The following RBM5 variants were observed in gnomAD, a reference collection of about 807,000 sequenced individuals.
The protein encoded by RBM5 is RNA binding motif protein 5.
RBM5 carries 15 observed loss-of-function variants against 124.6 expected under a neutral mutation model. The observed-to-expected ratio is 0.12, with a 90% CI of 0.08 to 0.19. RBM5 has a LOEUF of 0.19. Ranked by LOEUF, RBM5 falls within the 10% of genes least tolerant of loss-of-function variation. The pLI is 1.00. For synonymous variants in RBM5, 337 were observed against 361.2 expected, an observed-to-expected ratio of 0.93 and a Z score of 0.76; for missense variants, 580 against 1,026.5, an observed-to-expected ratio of 0.57 and a Z score of 5.94.
At position 50,118,740 on chromosome 3, in the gene RBM5, G is replaced by C. The variant is rs1331214271; in HGVS notation, c.*284G>C. 1 of 404,500 alleles carries C rather than the reference G, an allele frequency of 2.5e-6. No homozygotes were observed. Among genetic ancestry groups the C allele is most frequent in the Non-Finnish European group, 4.5e-6 (1 of 222,484 alleles). 25.1% of individuals were successfully genotyped at this position (404,500 alleles called of 1,614,324 possible). On this transcript the variant is annotated 3_prime_UTR_variant, in exon 25 of 25. Transcript: ENST00000347869. Reference sequence around the variant, plus strand: ...ATAGTGTAATGTAGCGTGTTTACATGTGTAGCCTATGTTGTGGTCCATCAG... The same window carrying C: ...ATAGTGTAATGTAGCGTGTTTACATCTGTAGCCTATGTTGTGGTCCATCAG...
Position 50,118,378 on chromosome 3 carries a change from A to C in RBM5, c.2370A>C (p.Ala790=). The part of the protein sequence containing the change: ...KGAGLGAKGS[A]YGLSGADSYK... ...CTGGCCTAGGAGCCAAAGGCAGCGC[A>C]TATGGTTTGTCGGGCGCCGATTCCT... The change falls in exon 25 of 25, where the codon GCA becomes GCC. Residue 790 remains alanine, a synonymous_variant. Transcript: ENST00000347869. The C allele has an allele frequency of 6.2e-7, 1 of 1,614,134 alleles. No individual in the cohort carries two copies. Among genetic ancestry groups the C allele is most frequent in the East Asian group, 2.2e-5 (1 of 44,872 alleles).
chr3:50,103,059 A>G (rs1200918296), intron 6 of RBM5, 24 bp from the exon 7 acceptor site: 1 of 1,536,364 alleles, frequency 6.5e-7, no homozygotes, highest in Non-Finnish European at 9.0e-7. Flanking sequence ...CAATGGGAAT[A>G]ACTAATTACT....
intron 6 of RBM5, chr3:50,101,604 C>T (rs183517884): frequency 2.0e-5 from 3 of 152,306 alleles, no homozygotes; most frequent in African/African-American, 7.2e-5. Context: ...TAGATACCAT[C>T]CTAGTAAATC....
At position 50,110,736 on chromosome 3, in the gene RBM5, C is replaced by G; in HGVS notation, c.1421C>G (p.Pro474Arg). The G allele has an allele frequency of 1.9e-6, 3 of 1,613,398 alleles. No individual in the cohort carries two copies. Among genetic ancestry groups the G allele is most frequent in the Non-Finnish European group, 2.5e-6 (3 of 1,179,538 alleles). The change falls in exon 17 of 25, where the codon CCG becomes CGG. Residue 474 changes from proline to arginine, a missense_variant. Physicochemically the swap from Pro to Arg is moderately radical, Grantham distance 103. Coordinates refer to ENST00000347869, the MANE Select transcript of RBM5 (RefSeq NM_005778.4). ...GAATCTTCAGGATATTACTATGATCCGACAACAGGGCTCTATTATGACCCC... is the reference window on the plus strand; with the variant it reads ...GAATCTTCAGGATATTACTATGATCGGACAACAGGGCTCTATTATGACCCC... ...YDESSGYYYD[P>R]TTGLYYDPNS...
chr3:50,105,536 C>T lies in RBM5; in HGVS notation c.695-13C>T, dbSNP rs1575320945. 2.5e-6 allele frequency: 4 copies of T among 1,611,628 alleles called. No homozygotes were observed. The highest frequency in any genetic ancestry group is 1.7e-4 in the Middle Eastern group (1 of 5,992). On this transcript the variant is annotated splice_polypyrimidine_tract_variant and intron_variant, in intron 9 of 24. Coordinates refer to ENST00000347869, the MANE Select transcript of RBM5 (RefSeq NM_005778.4). The stretch of plus-strand genomic sequence containing the variant: ...GAATGCATGTGTATGTCATTTGTCT[C>T]ATTTACCCCTAGCGATCATTCTTCG...
At chr3:50,091,881 A>T (rs1336615314) in intron 2 of RBM5, 162 bp from the exon 3 acceptor site, 1 of 734,142 alleles carries the variant, frequency 1.4e-6, no homozygotes, top group Non-Finnish European at 2.4e-6. Context: ...GTATTTTCCC[A>T]GTGGTTATCT....
intron 4 of RBM5, among the ~76,000 whole-genome samples, chr3:50,096,845 A>C (rs1234223035): frequency 6.6e-6 from 1 of 151,334 alleles, no homozygotes; most frequent in African/African-American, 2.4e-5. Flanking sequence ...GTCTTCAATC[A>C]ATCCTCCCGC....
intron 11 of RBM5, chr3:50,107,148 C>T (rs1246470897): frequency 6.0e-6 from 4 of 662,408 alleles, no homozygotes; most frequent in African/African-American, 1.8e-5. Flanking sequence ...ATAGTGCTAA[C>T]CCATCCAGAA....
intron 4 of RBM5, among the ~76,000 whole-genome samples, chr3:50,096,379 T>A (rs1365640190): frequency 6.6e-6 from 1 of 151,356 alleles, no homozygotes; most frequent in South Asian, 2.1e-4. Flanking sequence ...TCCCAGTTAC[T>A]TGGGAGACTG....
chr3:50,107,164 C>G, intron 11 of RBM5: 2 of 649,968 alleles, frequency 3.1e-6, no homozygotes, highest in Non-Finnish European at 5.7e-6. Flanking sequence ...CAGAAATAAC[C>G]CATTCCTTCC....
In RBM5 at chr3:50,118,457, G is replaced by C. The variant is rs749888107; in HGVS notation, c.*1G>C. 3 of 942,190 alleles carry C rather than the reference G, an allele frequency of 3.2e-6. No homozygotes were observed. In the East Asian group the frequency reaches 1.1e-4, roughly 33 times the overall value. 58.4% of individuals were successfully genotyped at this position (942,190 alleles called of 1,614,324 possible). A position where few individuals can be genotyped will look rare whatever the true frequency, so the allele number is the denominator to read the frequency against. On this transcript the variant is annotated 3_prime_UTR_variant, in exon 25 of 25. Transcript: ENST00000347869. ...TGCCCGGTTCACTGAGATGGAGTGA[G>C]AGAGAGAGAGAGAGAGAGATGACAA...
chr3:50,115,792 A>T, intron 21 of RBM5, 114 bp from the exon 22 acceptor site: 3 of 1,216,392 alleles, frequency 2.5e-6, no homozygotes, highest in Non-Finnish European at 3.6e-6. Flanking sequence ...TTTTTATGTG[A>T]TTGTGTATTG....
At chr3:50,112,670 A>G (rs888620249) in intron 17 of RBM5, 2 of 152,052 alleles carry the variant, frequency 1.3e-5, no homozygotes, top group African/African-American at 4.8e-5. Context: ...AATGGATTCT[A>G]TGTGGATGGG....
At position 50,108,317 on chromosome 3, in the gene RBM5, A is replaced by T; in HGVS notation, c.1192+13A>T. 1 of 1,597,066 alleles carries T rather than the reference A, an allele frequency of 6.3e-7. No homozygotes were observed. Among genetic ancestry groups the T allele is most frequent in the Non-Finnish European group, 8.6e-7 (1 of 1,164,408 alleles). On this transcript the variant is annotated intron_variant, in intron 14 of 24. Transcript: ENST00000347869. ...TCATCTGCATCAGGTAGTAAACTTC[A>T]TCTCCCTTTTACCTTTTGTTTAAGC...
At chr3:50,105,029 G>A (rs1265841822) in intron 8 of RBM5, 48 bp from the exon 9 acceptor site, 1 of 1,316,182 alleles carries the variant, frequency 7.6e-7, no homozygotes, top group East Asian at 2.3e-5. Flanking sequence ...TTTCTTTGGT[G>A]AAAATACATT....
At position 50,118,269 on chromosome 3, in the gene RBM5, A is replaced by G. The variant is rs1332615154; in HGVS notation, c.2323-62A>G. On this transcript the variant is annotated intron_variant, in intron 24 of 24. Coordinates refer to ENST00000347869, the MANE Select transcript of RBM5 (RefSeq NM_005778.4). ...TGGTCCTGCTGGGTAAGGAGTGGGCATGGTGAGAGGTGGAGCAGCCCATAC... is the reference window on the plus strand; with the variant it reads ...TGGTCCTGCTGGGTAAGGAGTGGGCGTGGTGAGAGGTGGAGCAGCCCATAC... 1.9e-6 allele frequency: 3 copies of G among 1,601,246 alleles called. No homozygotes were observed. The African/African-American group carries it at 4.0e-5, about 21-fold the overall frequency.
At position 50,092,114 on chromosome 3, in the gene RBM5, C is replaced by T. The variant is rs773588886; in HGVS notation, c.89C>T (p.Ser30Phe). 8 of 1,613,968 alleles carry T rather than the reference C, an allele frequency of 5.0e-6. No individual in the cohort carries two copies. The highest frequency in any genetic ancestry group is 6.8e-6 in the Non-Finnish European group (8 of 1,179,966). ...IDRDDRDERE[S>F]RSRRRDSDYK... ...AGGGATGACCGTGATGAGCGTGAAT[C>T]CCGAAGCAGGCGGAGGGACTCAGAT... The change falls in exon 3 of 25, where the codon TCC becomes TTC. Residue 30 changes from serine (S) to phenylalanine (F), a missense_variant. Ser to Phe is a radical substitution (Grantham distance 155). Around this residue, in one of 6 missense-constraint regions of RBM5, gnomAD observed 99 missense variants for 121.1 expected, o/e 0.82. Transcript: ENST00000347869.
At chr3:50,094,650 A>AT (rs1296681124) in intron 4 of RBM5, among the ~76,000 whole-genome samples, 3 of 152,008 alleles carry the variant, frequency 2.0e-5, no homozygotes, top group African/African-American at 7.2e-5. Context: ...CAGCTAATTT[A>AT]TTTTTTGTAG....
intron 1 of RBM5, 42 bp downstream of exon 1, chr3:50,089,071 A>G (rs539028516): frequency 1.3e-5 from 2 of 152,458 alleles, no homozygotes; most frequent in East Asian, 3.9e-4. Flanking sequence ...GGTTCTTGCC[A>G]TTTGGGCTGG....
Sources: allele counts gnomAD v4.1 joint callset (sites outside exome capture counted in the v4.1 genomes callset), GRCh38; gene constraint gnomAD v4.1.1; regional missense constraint gnomAD v4.1.1; transcripts MANE v1.5; gene names NCBI Gene and HGNC (gene_info 2026-07-23, HGNC 2026-07-21).